Variants in SIRT2 observed in about 807,000 individuals in gnomAD.
The protein encoded by SIRT2 is NAD-dependent protein deacetylase sirtuin-2.
SIRT2 carries 40 observed loss-of-function variants against 57.4 expected under a neutral mutation model. That is an observed-to-expected ratio of 0.70 (90% CI 0.54 to 0.91). SIRT2 has a LOEUF of 0.91. SIRT2 is among the 40% of genes least tolerant of loss of function. The probability of loss-of-function intolerance (pLI) is 0.00; values close to 1 mark genes in which losing one functional copy is unlikely to be tolerated. For missense variants in SIRT2, 439 were observed against 510.4 expected (o/e 0.86, Z 1.35); for synonymous variants, 161 against 195.7 (o/e 0.82, Z 1.48).
intron 8 of SIRT2, among the ~76,000 whole-genome samples, chr19:38,885,298 G>A (rs761196487): frequency 8.6e-5 from 13 of 151,762 alleles, no homozygotes; most frequent in African/African-American, 2.4e-5. Flanking sequence ...GGGTGGGGTG[G>A]TCTCCCTATT....
rs1973018347 is a variant in SIRT2 at position 38,878,778 on chromosome 19, AGC to A, written c.*375_*376del. 1 of 181,712 alleles carries A rather than the reference AGC, an allele frequency of 5.5e-6. No homozygotes were observed. The highest frequency in any genetic ancestry group is 1.4e-4 in the South Asian group (1 of 7,138). 11.3% of individuals were successfully genotyped at this position (181,712 alleles called of 1,614,324 possible). A position where few individuals can be genotyped will look rare whatever the true frequency, so the allele number is the denominator to read the frequency against. On this transcript the variant is annotated 3_prime_UTR_variant, in exon 16 of 16. Transcript: ENST00000249396. ...GGGGTAGGTTAGGTATGGTTTACTT[AGC>A]CACAGGCCCCCGGGGGCAGGAGACA...
At chr19:38,891,155 T>G (rs1354628552) in intron 4 of SIRT2, among the ~76,000 whole-genome samples, 2 of 152,260 alleles carry the variant, frequency 1.3e-5, no homozygotes, top group Admixed American at 6.5e-5. Context: ...ACTTCCATAA[T>G]GATCTTACAG....
rs572446780 is a variant in SIRT2 at position 38,889,797 on chromosome 19, G to A, written c.376-52C>T. On this transcript the variant is annotated intron_variant, in intron 6 of 15. Coordinates refer to ENST00000249396, the MANE Select transcript of SIRT2 (RefSeq NM_012237.4). ...GATGCCCCAGGTAGCGTGAGGGTTG[G>A]AGCCAGGTGACCCCATCCCCACCCC... is the stretch of plus-strand genomic sequence containing the variant. The A allele has an allele frequency of 3.5e-5, 56 of 1,613,820 alleles. No homozygotes were observed. In the South Asian group the frequency reaches 5.5e-4, roughly 16 times the overall value.
intron 3 of SIRT2, 49 bp from the exon 4 acceptor site, chr19:38,893,576 G>T (rs1239939523): frequency 1.4e-6 from 2 of 1,384,848 alleles, no homozygotes; most frequent in Admixed American, 1.8e-5. Flanking sequence ...TCAGCCAGGG[G>T]CATGGATGTC....
chr19:38,879,252 G>C lies in SIRT2; in HGVS notation c.1073C>G (p.Ala358Gly), dbSNP rs200516283. 15 of 1,604,568 alleles carry C rather than the reference G, an allele frequency of 9.3e-6. No individual in the cohort carries two copies. The East Asian group carries it at 3.3e-4, about 36-fold the overall frequency. ...TGAAGTGCTGGGGTTGGGGACCCCC[G>C]CCCCCGACTGGGCATCTATGCTGGC... ...EHASIDAQSG[A>G]GVPNPSTSAS... Residue 358 changes from alanine (A) to glycine (G), a missense_variant, in exon 16 of 16, where the codon GCG becomes GGG. Physicochemically the swap from Ala to Gly is moderately conservative, Grantham distance 60 (BLOSUM62 0). Coordinates refer to ENST00000249396, the MANE Select transcript of SIRT2 (RefSeq NM_012237.4).
rs1973238638 is a variant in SIRT2 at position 38,883,853 on chromosome 19, G to A, written c.502-97C>T. On this transcript the variant is annotated intron_variant, in intron 8 of 15. Coordinates refer to ENST00000249396, the MANE Select transcript of SIRT2 (RefSeq NM_012237.4). The stretch of plus-strand genomic sequence containing the variant: ...AGTTGAGGGCCACGAGGAGCAGTGA[G>A]GTGGTGGGGACAGGTGGAGAAGGGA... The A allele has an allele frequency of 2.2e-6, 3 of 1,353,772 alleles. No individual in the cohort carries two copies. In the South Asian group the frequency reaches 3.7e-5, roughly 17 times the overall value. The allele number at this position is 1,353,772 out of a possible 1,614,324, so 83.9% of individuals were successfully genotyped here.
rs1973065803 is a variant in SIRT2, at chr19:38,879,571, G to T, written c.947+61C>A. The T allele has an allele frequency of 5.1e-6, 8 of 1,554,066 alleles. No individual in the cohort carries two copies. The East Asian group carries it at 7.2e-5, about 14-fold the overall frequency. The stretch of plus-strand genomic sequence containing the variant: ...GCCTGCTCCTCTCATCTGCCTTCGT[G>T]CCCCCGCTCCCACCTCACCCTGTCC... On this transcript the variant is annotated intron_variant, in intron 14 of 15. Coordinates refer to ENST00000249396, the MANE Select transcript of SIRT2 (RefSeq NM_012237.4).
intron 1 of SIRT2, among the ~76,000 whole-genome samples, chr19:38,899,145 G>A (rs1485532397): frequency 6.6e-6 from 1 of 152,104 alleles, no homozygotes; most frequent in African/African-American, 2.4e-5. Flanking sequence ...GAAGCCATAG[G>A]AGGGGTCAGC....
chr19:38,893,871 G>C lies in SIRT2; in HGVS notation c.64-4C>G. 6.2e-7 allele frequency: 1 copy of C among 1,614,108 alleles called. No homozygotes were observed. Among genetic ancestry groups the C allele is most frequent in the Non-Finnish European group, 8.5e-7 (1 of 1,179,988 alleles). ...CCTCAGAGTCTGAATCTGAGTCCTGGAAGGGGTGGGGTGGAGTGGCCAGGC... is the reference window on the plus strand; with the variant it reads ...CCTCAGAGTCTGAATCTGAGTCCTGCAAGGGGTGGGGTGGAGTGGCCAGGC... On this transcript the variant is annotated splice_region_variant and splice_polypyrimidine_tract_variant and intron_variant, in intron 2 of 15. Transcript: ENST00000249396.
intron 9 of SIRT2, among the ~76,000 whole-genome samples, chr19:38,882,506 G>A (rs1973185807): frequency 6.6e-6 from 1 of 151,932 alleles, no homozygotes; most frequent in Non-Finnish European, 1.5e-5. Flanking sequence ...GTTGTAGCAC[G>A]TGCCTGTAAT....
intron 8 of SIRT2, among the ~76,000 whole-genome samples, chr19:38,886,707 T>C (rs1973352742): frequency 6.6e-6 from 1 of 150,630 alleles, no homozygotes; most frequent in Non-Finnish European, 1.5e-5. Context: ...CTGCAACCTC[T>C]GCCTCCCAGG....
rs200781921 is a variant in SIRT2, at chr19:38,893,532, C to T, written c.113-5G>A. ...ATAAGTTCCGCAGGAAGTCCACTGA[C>T]CGGAAAGAAGAGAGACAGCGGCAGG... is the stretch of plus-strand genomic sequence containing the variant. On this transcript the variant is annotated splice_region_variant and splice_polypyrimidine_tract_variant and intron_variant, in intron 3 of 15. Coordinates refer to ENST00000249396, the MANE Select transcript of SIRT2 (RefSeq NM_012237.4). The T allele has an allele frequency of 1.2e-6, 2 of 1,601,348 alleles. No homozygotes were observed. The highest frequency in any genetic ancestry group is 1.7e-6 in the Non-Finnish European group (2 of 1,168,980).
chr19:38,889,176 A>G, intron 7 of SIRT2, 21 bp from the exon 8 acceptor site: 1 of 1,607,754 alleles, frequency 6.2e-7, no homozygotes, highest in South Asian at 1.1e-5. Context: ...GAGCGACAGC[A>G]CTGCTGACGA....
Position 38,879,199 on chromosome 19 carries a change from C to A in SIRT2, c.1126G>T (p.Ala376Ser). 6.3e-7 allele frequency: 1 copy of A among 1,587,646 alleles called. No homozygotes were observed. The highest frequency in any genetic ancestry group is 8.5e-7 in the Non-Finnish European group (1 of 1,173,062). Residue 376 changes from alanine to serine, a missense_variant, in exon 16 of 16, where the codon GCC becomes TCC. Ala to Ser is a moderately conservative substitution (Grantham distance 99). Transcript: ENST00000249396. ...SASPKKSPPP[A>S]KDEARTTERE... Reference sequence around the variant, plus strand: ...TCTGTTGTCCTGGCCTCGTCCTTGGCAGGTGGCGGGGACTTCTTGGGGGAA... The same window carrying A: ...TCTGTTGTCCTGGCCTCGTCCTTGGAAGGTGGCGGGGACTTCTTGGGGGAA...
intron 5 of SIRT2, 28 bp downstream of exon 5, chr19:38,890,075 T>C (rs202062280): frequency 1.5e-5 from 25 of 1,613,590 alleles, no homozygotes; most frequent in Non-Finnish European, 2.1e-5. Flanking sequence ...TTCCTGGGGG[T>C]AGCTGCTGGG....
chr19:38,886,584 G>A (rs905880597), intron 8 of SIRT2, among the ~76,000 whole-genome samples: 15 of 151,050 alleles, frequency 9.9e-5, no homozygotes, highest in African/African-American at 3.7e-4. Flanking sequence ...CTCCCAAGTA[G>A]CTGGGACTAC....
At chr19:38,886,800 T>G (rs1600114674) in intron 8 of SIRT2, among the ~76,000 whole-genome samples, 2 of 152,012 alleles carry the variant, frequency 1.3e-5, no homozygotes, top group East Asian at 3.9e-4. Context: ...TTTTGTATTT[T>G]TAGTAGAGAC....
At chr19:38,886,036 A>T (rs979250864) in intron 8 of SIRT2, among the ~76,000 whole-genome samples, 5 of 152,212 alleles carry the variant, frequency 3.3e-5, no homozygotes, top group South Asian at 2.1e-4. Context: ...TGCCGCTAAA[A>T]CAGGTGCTGA....
rs916277793 is a variant in SIRT2, at chr19:38,880,089, T to G, written c.877-387A>C. The G allele has an allele frequency of 4.8e-6, 1 of 206,304 alleles. No homozygotes were observed. The highest frequency in any genetic ancestry group is 9.9e-6 in the Non-Finnish European group (1 of 100,642). 12.8% of individuals were successfully genotyped at this position (206,304 alleles called of 1,614,324 possible). ...ATCCACCCGCCTCGGCCTCCCAAAG[T>G]GCTGGAATTACAGGCGTGAGCCATT... On this transcript the variant is annotated intron_variant, in intron 13 of 15. Coordinates refer to ENST00000249396, the MANE Select transcript of SIRT2 (RefSeq NM_012237.4). This position sits in a 1 kb window ranked among gnomAD's most constrained non-coding sequence, Gnocchi z 4.1.
Sources: allele counts gnomAD v4.1 joint callset (sites outside exome capture counted in the v4.1 genomes callset), GRCh38; gene constraint gnomAD v4.1.1; non-coding constraint Gnocchi (gnomAD v3.1); transcripts MANE v1.5; gene names NCBI Gene and HGNC (gene_info 2026-07-23, HGNC 2026-07-21).